The following LRRTM3 variants were observed in gnomAD, a reference collection of about 807,000 sequenced individuals.
LRRTM3 encodes leucine-rich repeat transmembrane neuronal protein 3.
In LRRTM3, 24 loss-of-function variants were observed where a neutral mutation model predicts 44.7. That is an observed-to-expected ratio of 0.54 (90% CI 0.39 to 0.76). LRRTM3 has a LOEUF of 0.76. LRRTM3 is among the 30% of genes least tolerant of loss of function. The pLI, the probability that LRRTM3 is intolerant of heterozygous loss-of-function variation, is 0.00. For synonymous variants in LRRTM3, 277 were observed against 278.7 expected (o/e 0.99, Z 0.06); for missense variants, 587 against 702.2 (o/e 0.84, Z 1.85).
At chr10:66,934,971 C>A (rs1317411136) in intron 2 of LRRTM3, among the ~76,000 whole-genome samples, 1 of 152,078 alleles carries the variant, frequency 6.6e-6, no homozygotes, top group Non-Finnish European at 1.5e-5. Flanking sequence ...AAAATGTCAT[C>A]AGACAGTGAA....
chr10:67,073,610 A>C (rs1482054171), intron 2 of LRRTM3, among the ~76,000 whole-genome samples: 1 of 152,176 alleles, frequency 6.6e-6, no homozygotes, highest in African/African-American at 2.4e-5. Flanking sequence ...AGAGATACAA[A>C]ATAAAGAGGA....
intron 2 of LRRTM3, among the ~76,000 whole-genome samples, chr10:67,068,696 C>T (rs114898880): frequency 0.01 from 1,582 of 152,132 alleles, 28 homozygotes; most frequent in African/African-American, 0.036. Flanking sequence ...AGCAAATGAC[C>T]CAAATATGTT....
At chr10:66,971,875 T>C (rs747599574) in intron 2 of LRRTM3, among the ~76,000 whole-genome samples, 4 of 152,158 alleles carry the variant, frequency 2.6e-5, no homozygotes, top group Non-Finnish European at 4.4e-5. Flanking sequence ...AAAATCATTT[T>C]TTTTCAACAA....
At chr10:67,069,482 T>G (rs571450125) in intron 2 of LRRTM3, among the ~76,000 whole-genome samples, 10 of 152,250 alleles carry the variant, frequency 6.6e-5, no homozygotes, top group African/African-American at 2.2e-4. Flanking sequence ...TGATGGTGAA[T>G]ATTCATAAAC....
intron 2 of LRRTM3, among the ~76,000 whole-genome samples, chr10:67,033,059 A>G (rs1305749150): frequency 6.6e-6 from 1 of 152,126 alleles, no homozygotes; most frequent in Non-Finnish European, 1.5e-5. Context: ...GATAACAGCT[A>G]TTTTTTTCCA....
intron 2 of LRRTM3, among the ~76,000 whole-genome samples, chr10:67,037,077 A>C (rs1854105885): frequency 6.6e-6 from 1 of 152,118 alleles, no homozygotes; most frequent in South Asian, 2.1e-4. Flanking sequence ...TGAAGTGAGC[A>C]AGGAAGAGAG....
chr10:67,001,878 C>A (rs1163473160), intron 2 of LRRTM3, among the ~76,000 whole-genome samples: 3 of 152,174 alleles, frequency 2.0e-5, no homozygotes, highest in Admixed American at 2.0e-4. Flanking sequence ...TACCAAGGAG[C>A]TTGCTCATTC....
At chr10:67,016,608 A>G (rs1044915282) in intron 2 of LRRTM3, among the ~76,000 whole-genome samples, 2 of 152,170 alleles carry the variant, frequency 1.3e-5, no homozygotes, top group African/African-American at 4.8e-5. Context: ...CTTATGTATC[A>G]CGCAGAAACT....
At chr10:66,930,452 TAAAAA>T in intron 2 of LRRTM3, among the ~76,000 whole-genome samples, 2 of 152,276 alleles carry the variant, frequency 1.3e-5, no homozygotes, top group African/African-American at 4.8e-5. Flanking sequence ...TATTCCATCT[TAAAAA>T]GAAATTTTCT....
chr10:66,987,767 T>C (rs1850815611), intron 2 of LRRTM3, among the ~76,000 whole-genome samples: 2 of 152,214 alleles, frequency 1.3e-5, no homozygotes, highest in African/African-American at 4.8e-5. Flanking sequence ...TTTCTGTGAA[T>C]TTAGCTCATG....
chr10:67,004,088 G>GT (rs1158442293), intron 2 of LRRTM3, among the ~76,000 whole-genome samples: 2 of 150,802 alleles, frequency 1.3e-5, no homozygotes, highest in Non-Finnish European at 3.0e-5. Context: ...GCATTTTGAT[G>GT]TTAAAAAAAA....
chr10:67,094,620 C>T (rs1186022430), intron 2 of LRRTM3, among the ~76,000 whole-genome samples: 2 of 151,522 alleles, frequency 1.3e-5, no homozygotes, highest in African/African-American at 2.4e-5. Flanking sequence ...TGATTAGCCA[C>T]AAAAGAATAA....
chr10:67,019,215 T>A (rs982554618), intron 2 of LRRTM3, among the ~76,000 whole-genome samples: 3 of 152,206 alleles, frequency 2.0e-5, no homozygotes, highest in Admixed American at 6.5e-5. Context: ...TTTTTAATTT[T>A]ATTTTATTAT....
chr10:66,988,085 T>G (rs1338310355), intron 2 of LRRTM3, among the ~76,000 whole-genome samples: 1 of 152,186 alleles, frequency 6.6e-6, no homozygotes, highest in Non-Finnish European at 1.5e-5. Context: ...AGAGACTGTA[T>G]AGTATCATGA....
intron 2 of LRRTM3, among the ~76,000 whole-genome samples, chr10:67,044,195 T>C (rs1239366540): frequency 6.6e-6 from 1 of 152,060 alleles, no homozygotes; most frequent in Non-Finnish European, 1.5e-5. Flanking sequence ...ACATGTAATA[T>C]TAAAGAAAAA....
At chr10:67,069,079 T>A (rs1400580592) in intron 2 of LRRTM3, among the ~76,000 whole-genome samples, 2 of 151,450 alleles carry the variant, frequency 1.3e-5, no homozygotes, top group South Asian at 2.1e-4. Flanking sequence ...AAAATATATA[T>A]GAAAGAAACA....
chr10:66,994,493 A>G (rs192578822), intron 2 of LRRTM3, among the ~76,000 whole-genome samples: 22 of 152,348 alleles, frequency 1.4e-4, no homozygotes, highest in Non-Finnish European at 2.4e-4. Flanking sequence ...CTAGTTTTGC[A>G]TCATGCTGAA....
chr10:66,991,454 T>G (rs1564816948), intron 2 of LRRTM3, among the ~76,000 whole-genome samples: 1 of 152,230 alleles, frequency 6.6e-6, no homozygotes, highest in Non-Finnish European at 1.5e-5. Context: ...TATCTCTATT[T>G]ATTTTGATTT....
chr10:67,016,154 T>G (rs775379173), intron 2 of LRRTM3, among the ~76,000 whole-genome samples: 5 of 152,178 alleles, frequency 3.3e-5, no homozygotes, highest in African/African-American at 4.8e-5. Flanking sequence ...AAAATGGTAG[T>G]TTTATGCATG....
Sources: gnomAD v4.1 joint callset for allele counts (sites outside exome capture counted in the v4.1 genomes callset) on GRCh38, gnomAD v4.1.1 for gene constraint, MANE v1.5 for transcripts, NCBI Gene and HGNC (gene_info 2026-07-23, HGNC 2026-07-21) for gene names.